Variants in NELL1 observed in about 807,000 individuals in gnomAD.
NELL1 encodes the protein protein kinase C-binding protein NELL1.
Under a neutral mutation model 107.4 loss-of-function variants are expected in NELL1, and 76 were observed. The ratio of observed to expected loss-of-function variants is 0.71; its 90% CI spans 0.59 to 0.86. NELL1 has a LOEUF of 0.86. Ranked by LOEUF, NELL1 falls within the 40% of genes least tolerant of loss-of-function variation. NELL1 has a pLI of 0.00. For missense variants in NELL1, 1,024 were observed against 1,005.5 expected, an observed-to-expected ratio of 1.02 and a Z score of -0.25; for synonymous variants, 353 against 341.2, an observed-to-expected ratio of 1.03 and a Z score of -0.38.
At chr11:21,437,500 C>T (rs1427817600) in intron 15 of NELL1, among the ~76,000 whole-genome samples, 1 of 152,144 alleles carries the variant, frequency 6.6e-6, no homozygotes, top group Non-Finnish European at 1.5e-5. Flanking sequence ...GCTGGAATTA[C>T]AGGCCTGCAC....
intron 5 of NELL1, among the ~76,000 whole-genome samples, chr11:20,908,194 A>G (rs1459787702): frequency 6.6e-6 from 1 of 152,180 alleles, no homozygotes; most frequent in African/African-American, 2.4e-5. Context: ...CAGGAATCCC[A>G]TTGCTGGGTA....
At chr11:21,497,861 A>G (rs1178376307) in intron 15 of NELL1, among the ~76,000 whole-genome samples, 1 of 151,878 alleles carries the variant, frequency 6.6e-6, no homozygotes, top group Non-Finnish European at 1.5e-5. Flanking sequence ...ACAAGTTTAT[A>G]CCTGTGATAT....
intron 12 of NELL1, among the ~76,000 whole-genome samples, chr11:21,055,754 C>T (rs1426584311): frequency 6.6e-6 from 1 of 152,110 alleles, no homozygotes; most frequent in South Asian, 2.1e-4. Context: ...AGGCAAAACA[C>T]TGGGTCATGG....
At chr11:21,174,230 T>G (rs902825493) in intron 13 of NELL1, among the ~76,000 whole-genome samples, 5 of 151,816 alleles carry the variant, frequency 3.3e-5, no homozygotes, top group African/African-American at 1.2e-4. Context: ...AATATACAAG[T>G]AACTGATTCT....
chr11:21,162,288 T>G (rs900152689), intron 13 of NELL1, among the ~76,000 whole-genome samples: 2 of 152,146 alleles, frequency 1.3e-5, no homozygotes, highest in African/African-American at 4.8e-5. Context: ...ACTCAGCATT[T>G]TTCTTTGTTT....
intron 14 of NELL1, among the ~76,000 whole-genome samples, chr11:21,366,158 C>T (rs983398303): frequency 6.6e-5 from 10 of 152,052 alleles, no homozygotes; most frequent in Non-Finnish European, 1.0e-4. Flanking sequence ...TTATTATTTA[C>T]AGAGCTGGGT....
At chr11:21,275,658 A>G (rs1006061299) in intron 14 of NELL1, among the ~76,000 whole-genome samples, 4 of 152,248 alleles carry the variant, frequency 2.6e-5, no homozygotes, top group African/African-American at 4.8e-5. Flanking sequence ...TCAATAAAAT[A>G]CTGGCAAACC....
At chr11:20,966,024 A>G (rs1851380734) in intron 12 of NELL1, among the ~76,000 whole-genome samples, 1 of 152,182 alleles carries the variant, frequency 6.6e-6, no homozygotes, top group Non-Finnish European at 1.5e-5. Flanking sequence ...ATGTGTGAAC[A>G]TCATGATCTA....
chr11:20,848,901 G>A (rs987298920), intron 4 of NELL1, among the ~76,000 whole-genome samples: 1 of 152,148 alleles, frequency 6.6e-6, no homozygotes, highest in Non-Finnish European at 1.5e-5. Flanking sequence ...ACCTATTTAA[G>A]GTGCTTTTTA....
intron 3 of NELL1, among the ~76,000 whole-genome samples, chr11:20,785,942 C>T (rs1856944879): frequency 6.6e-6 from 1 of 150,774 alleles, no homozygotes; most frequent in Non-Finnish European, 1.5e-5. Flanking sequence ...GTGAGGCTGT[C>T]TTTTATATCC....
intron 4 of NELL1, among the ~76,000 whole-genome samples, chr11:20,861,294 C>A (rs1848973800): frequency 6.6e-6 from 1 of 152,120 alleles, no homozygotes; most frequent in South Asian, 2.1e-4. Flanking sequence ...ACATATTATT[C>A]TTCAACTTGC....
At chr11:21,045,702 A>C (rs1853338116) in intron 12 of NELL1, among the ~76,000 whole-genome samples, 1 of 152,138 alleles carries the variant, frequency 6.6e-6, no homozygotes, top group African/African-American at 2.4e-5. Flanking sequence ...GGCTGTTTTC[A>C]CCATTGCAGT....
chr11:21,270,858 G>A (rs1007446936), intron 14 of NELL1, among the ~76,000 whole-genome samples: 2 of 152,054 alleles, frequency 1.3e-5, no homozygotes, highest in African/African-American at 4.8e-5. Context: ...AATTAAAATG[G>A]AAATCAATAA....
rs752302028 is a variant in NELL1, at chr11:20,827,391, T to G, written c.336-20192T>G. 2.0e-5 allele frequency among the ~76,000 whole-genome samples: 3 copies of G among 151,374 alleles called. 1 individual carries two copies. Among genetic ancestry groups the G allele is most frequent in the Non-Finnish European group, 4.4e-5 (3 of 67,604 alleles). ...CTTATAATTAGGAACTATTTCTCAT[T>G]GACGGTTTTAGCTAGGGATGTACCA... On this transcript the variant is annotated intron_variant, in intron 3 of 19. Coordinates refer to ENST00000357134, the MANE Select transcript of NELL1 (RefSeq NM_006157.5).
At chr11:20,783,537 T>C in intron 2 of NELL1, 143 bp from the exon 3 acceptor site, 1 of 584,192 alleles carries the variant, frequency 1.7e-6, no homozygotes, top group Non-Finnish European at 2.9e-6. Context: ...TCTGGATTCT[T>C]TGGACATGAC....
chr11:20,859,589 T>A (rs896027582), intron 4 of NELL1, among the ~76,000 whole-genome samples: 4 of 152,210 alleles, frequency 2.6e-5, no homozygotes, highest in African/African-American at 7.2e-5. Context: ...ACTGCTCCAA[T>A]ATAAATTTTG....
chr11:21,084,123 A>T (rs1277253827), intron 12 of NELL1, among the ~76,000 whole-genome samples: 1 of 152,112 alleles, frequency 6.6e-6, no homozygotes, highest in Admixed American at 6.6e-5. Flanking sequence ...GATGACATTG[A>T]AATATTGTAA....
At position 21,336,670 on chromosome 11, in the gene NELL1, T is replaced by TACACACAC. The variant is rs374935775; in HGVS notation, c.1550-34182_1550-34181insCACACACA. ...GTGTGTGTATATATATATATATATA[T>TACACACAC]ATATACACACACACACACACATTAA... is the stretch of plus-strand genomic sequence containing the variant. On this transcript the variant is annotated intron_variant, in intron 14 of 19. Transcript: ENST00000357134. 5.4e-3 allele frequency among the ~76,000 whole-genome samples: 518 copies of TACACACAC among 95,842 alleles called. 7 individuals carry two copies. The South Asian group carries it at 0.078, about 14-fold the overall frequency. 62.9% of individuals were successfully genotyped at this position (95,842 alleles called of 152,430 possible).
chr11:21,274,599 C>T (rs931868021), intron 14 of NELL1, among the ~76,000 whole-genome samples: 17 of 152,136 alleles, frequency 1.1e-4, no homozygotes, highest in Admixed American at 9.2e-4. Context: ...AATATACATT[C>T]GTCTCAACAC....
Sources: allele counts gnomAD v4.1 joint callset (sites outside exome capture counted in the v4.1 genomes callset), GRCh38; gene constraint gnomAD v4.1.1; transcripts MANE v1.5; gene names NCBI Gene and HGNC (gene_info 2026-07-23, HGNC 2026-07-21).